AKAP1: variants seen among roughly 807,000 people sequenced by gnomAD.
The protein encoded by AKAP1 is A-kinase anchor protein 1, mitochondrial.
AKAP1 carries 32 observed loss-of-function variants against 79.8 expected under a neutral mutation model. The observed-to-expected ratio is 0.40, with a 90% confidence interval of 0.30 to 0.54. The LOEUF is 0.54. Among genes scored for constraint, AKAP1 ranks in the 20% least tolerant of loss-of-function variants. The probability of loss-of-function intolerance (pLI) is 0.47; values close to 1 mark genes in which losing one functional copy is unlikely to be tolerated. For synonymous variants in AKAP1, 416 were observed against 466.7 expected (o/e 0.89, Z 1.40); for missense variants, 961 against 1,138.9 (o/e 0.84, Z 2.25).
chr17:57,100,767 G>A (rs1220678830), intron 1 of AKAP1, among the ~76,000 whole-genome samples: 1 of 152,108 alleles, frequency 6.6e-6, no homozygotes, highest in African/African-American at 2.4e-5. Flanking sequence ...ATCCATTGCA[G>A]CCTTTCCTCA....
At chr17:57,108,740 AC>A (rs1448081858) in intron 2 of AKAP1, among the ~76,000 whole-genome samples, 1 of 152,130 alleles carries the variant, frequency 6.6e-6, no homozygotes, top group Non-Finnish European at 1.5e-5. Flanking sequence ...ACCAGGGACC[AC>A]CCCACTGAGG....
At chr17:57,101,794 T>C (rs1248153851) in intron 1 of AKAP1, 1 of 152,264 alleles carries the variant, frequency 6.6e-6, no homozygotes, top group East Asian at 1.9e-4. Flanking sequence ...GTTTGCAGGA[T>C]ACAAGATCAG....
intron 1 of AKAP1, chr17:57,095,852 T>C (rs1302712614): frequency 6.6e-6 from 1 of 152,174 alleles, no homozygotes; most frequent in Non-Finnish European, 1.5e-5. Flanking sequence ...GGGAACTCCA[T>C]GTACCCAGGA....
Position 57,106,906 on chromosome 17 carries a change from T to G in AKAP1, c.1442T>G (p.Leu481Arg). The change falls in exon 2 of 11, where the codon CTG becomes CGG. Residue 481 changes from leucine (L) to arginine (R), a missense_variant. By Grantham distance (102) the Leu-to-Arg change is moderately radical. This residue lies in a region of AKAP1 where 629 missense variants were observed against 781.1 expected (regional missense o/e 0.81). Transcript: ENST00000337714. ...SEELPDRAGI[L>R]VEDATCVTCM... Reference sequence around the variant, plus strand: ...GAGTTGCCGGACCGGGCAGGCATCCTGGTGGAAGATGCCACCTGTGTCACC... The same window carrying G: ...GAGTTGCCGGACCGGGCAGGCATCCGGGTGGAAGATGCCACCTGTGTCACC... 6.2e-7 allele frequency: 1 copy of G among 1,613,914 alleles called. No homozygotes were observed. The highest frequency in any genetic ancestry group is 8.5e-7 in the Non-Finnish European group (1 of 1,179,756).
At chr17:57,109,576 G>A (rs1597982589) in intron 2 of AKAP1, among the ~76,000 whole-genome samples, 1 of 152,212 alleles carries the variant, frequency 6.6e-6, no homozygotes, top group African/African-American at 2.4e-5. Context: ...GGGCCCTGGG[G>A]ACAGGAGACT....
rs374122331 is a variant in AKAP1 at position 57,110,126 on chromosome 17, G to A, written c.1816G>A (p.Asp606Asn). 2.4e-5 allele frequency: 39 copies of A among 1,614,052 alleles called. No homozygotes were observed. The highest frequency in any genetic ancestry group is 5.0e-5 in the Admixed American group (3 of 60,018). The change falls in exon 3 of 11, where the codon GAC (aspartate) becomes AAC (asparagine). Residue 606 changes from aspartate (D) to asparagine (N), a missense_variant. By Grantham distance (23) the Asp-to-Asn change is conservative. This residue lies in a region of AKAP1 where 629 missense variants were observed against 781.1 expected (regional missense o/e 0.81). Transcript: ENST00000337714. ...GGCAGGCTCCAACCCTAAGAAGGTCGACCTCATCATCTGGGAGATCGAGGT... is the reference window on the plus strand; with the variant it reads ...GGCAGGCTCCAACCCTAAGAAGGTCAACCTCATCATCTGGGAGATCGAGGT... ...AQAGSNPKKVDLIIWEIEVPK... is the reference protein window; with the variant it reads ...AQAGSNPKKVNLIIWEIEVPK...
intron 10 of AKAP1, among the ~76,000 whole-genome samples, chr17:57,119,830 C>CTTGTTTTTTTTT (rs1915809414): frequency 1.4e-5 from 1 of 70,288 alleles, no homozygotes; most frequent in Non-Finnish European, 2.5e-5. Flanking sequence ...CCCTGTTACT[C>CTTGTTTTTTTTT]TTTTTTTTTT....
rs1198973599 is a variant in AKAP1 at position 57,106,016 on chromosome 17, A to C, written c.552A>C (p.Val184=). The change falls in exon 2 of 11, where the codon GTA becomes GTC. Residue 184 remains valine (V), a synonymous_variant. Coordinates refer to ENST00000337714, the MANE Select transcript of AKAP1 (RefSeq NM_003488.4). ...VPRKVQPGYP[V]VPAEKRSSGE... ...GGAAGGTCCAGCCAGGCTACCCCGTAGTCCCCGCAGAGAAGCGTAGCTCTG... is the reference window on the plus strand; with the variant it reads ...GGAAGGTCCAGCCAGGCTACCCCGTCGTCCCCGCAGAGAAGCGTAGCTCTG... 1.2e-6 allele frequency: 2 copies of C among 1,613,796 alleles called. No individual in the cohort carries two copies. The highest frequency in any genetic ancestry group is 2.2e-5 in the South Asian group (2 of 91,074).
intron 1 of AKAP1, chr17:57,095,517 G>A (rs1914055596): frequency 7.0e-6 from 1 of 141,870 alleles, no homozygotes; most frequent in African/African-American, 2.6e-5. Context: ...CGCCAAGACT[G>A]AAAGTGCCTC....
At position 57,107,026 on chromosome 17, in the gene AKAP1, C is replaced by T. The variant is rs140358364; in HGVS notation, c.1562C>T (p.Thr521Ile). ...FSTSGLEDSC[T>I]ETSSSPRDKA... ...ACTTCAGGGCTTGAAGACTCTTGCA[C>T]AGAGACCAGCTCGAGCCCCAGGGAC... The change falls in exon 2 of 11, where the codon ACA becomes ATA. Residue 521 changes from threonine to isoleucine, a missense_variant. Coordinates refer to ENST00000337714, the MANE Select transcript of AKAP1 (RefSeq NM_003488.4). 2.6e-3 allele frequency: 4,258 copies of T among 1,614,150 alleles called. 6 individuals are homozygous for T. Among genetic ancestry groups the T allele is most frequent in the Non-Finnish European group, 2.9e-3 (3,402 of 1,180,038 alleles).
At chr17:57,087,380 G>A (rs1913525821) in intron 1 of AKAP1, among the ~76,000 whole-genome samples, 1 of 152,192 alleles carries the variant, frequency 6.6e-6, no homozygotes, top group Non-Finnish European at 1.5e-5. Context: ...TGTTGTAAGT[G>A]GCCTGCTCAG....
intron 5 of AKAP1, 108 bp downstream of exon 5, chr17:57,112,726 G>A: frequency 1.4e-6 from 2 of 1,435,910 alleles, no homozygotes; most frequent in East Asian, 4.6e-5. Context: ...GCACATGAGT[G>A]CCTGCGCCCT....
At position 57,106,316 on chromosome 17, in the gene AKAP1, G is replaced by A. The variant is rs745987507; in HGVS notation, c.852G>A (p.Ala284=). Residue 284 remains alanine, a synonymous_variant, in exon 2 of 11, where the codon GCG becomes GCA. Coordinates refer to ENST00000337714, the MANE Select transcript of AKAP1 (RefSeq NM_003488.4). ...ACACAGAGCTGGCAAAGGACGATGC[G>A]GCGCCAGCACCCCCAGTCGCAGACG... ...SAHTELAKDD[A]APAPPVADAK... 7.3e-5 allele frequency: 118 copies of A among 1,614,052 alleles called. No individual in the cohort carries two copies. The highest frequency in any genetic ancestry group is 3.3e-4 in the Middle Eastern group (2 of 6,084).
intron 8 of AKAP1, 71 bp downstream of exon 8, chr17:57,116,998 T>G: frequency 7.0e-7 from 1 of 1,419,812 alleles, no homozygotes; most frequent in South Asian, 1.1e-5. Flanking sequence ...TCTCAGAGCC[T>G]CCGTTCTCAC....
chr17:57,094,824 C>T (rs1280265409), intron 1 of AKAP1: 1 of 152,010 alleles, frequency 6.6e-6, no homozygotes, highest in Non-Finnish European at 1.5e-5. Flanking sequence ...CCACATTGCC[C>T]AGGCTAGTCT....
intron 1 of AKAP1, among the ~76,000 whole-genome samples, chr17:57,103,605 A>G (rs1040084811): frequency 6.6e-6 from 1 of 152,240 alleles, no homozygotes; most frequent in Admixed American, 6.5e-5. Context: ...AGTTGTTAAA[A>G]CATGTGCATT....
Position 57,107,286 on chromosome 17 carries a change from T to C in AKAP1, c.1714+108T>C, listed in dbSNP as rs546592366. On this transcript the variant is annotated intron_variant, in intron 2 of 10. Coordinates refer to ENST00000337714, the MANE Select transcript of AKAP1 (RefSeq NM_003488.4). ...TGCTACTTGTGCAGCAAAGTCATAGTGCTCTTCAGCTCTTTATCGCAACCT... is the reference window on the plus strand; with the variant it reads ...TGCTACTTGTGCAGCAAAGTCATAGCGCTCTTCAGCTCTTTATCGCAACCT... The C allele has an allele frequency of 1.5e-4, 225 of 1,462,368 alleles. No individual in the cohort carries two copies. In the African/African-American group the frequency reaches 2.8e-3, roughly 18 times the overall value. The allele number at this position is 1,462,368 out of a possible 1,614,324, so 90.6% of individuals were successfully genotyped here.
At position 57,116,209 on chromosome 17, in the gene AKAP1, G is replaced by A. The variant is rs772823174; in HGVS notation, c.2380G>A (p.Val794Met). ...EETNEVEIRY[V>M]DYGGYKRVKV... The stretch of plus-strand genomic sequence containing the variant: ...GACCAACGAAGTGGAGATTCGATAC[G>A]TGGACTACGGCGGATATAAGAGGGT... The change falls in exon 7 of 11, where the codon GTG (valine) becomes ATG (methionine). Residue 794 changes from valine to methionine, a missense_variant. Around this residue, in one of 3 missense-constraint regions of AKAP1, gnomAD observed 629 missense variants for 781.1 expected, o/e 0.81. Coordinates refer to ENST00000337714, the MANE Select transcript of AKAP1 (RefSeq NM_003488.4). 9.3e-6 allele frequency: 15 copies of A among 1,614,190 alleles called. No individual in the cohort carries two copies. Among genetic ancestry groups the A allele is most frequent in the Admixed American group, 3.3e-5 (2 of 60,030 alleles).
Position 57,118,435 on chromosome 17 carries a change from A to G in AKAP1, c.2555A>G (p.Asn852Ser). The part of the protein sequence containing the change: ...ADAAMSEMTG[N>S]TALLAQVTSY... ...GCCGCCATGAGCGAGATGACGGGGA[A>G]TACAGCACTGCTTGCTCAGGTGTGT... Residue 852 changes from asparagine (N) to serine (S), a missense_variant, in exon 9 of 11, where the codon AAT becomes AGT. By Grantham distance (46) the Asn-to-Ser change is conservative. This residue lies in a region of AKAP1 where 629 missense variants were observed against 781.1 expected (regional missense o/e 0.81). Transcript: ENST00000337714. 6.2e-7 allele frequency: 1 copy of G among 1,614,020 alleles called. No homozygotes were observed. The highest frequency in any genetic ancestry group is 1.1e-5 in the South Asian group (1 of 91,074).
Sources: gnomAD v4.1 joint callset for allele counts (sites outside exome capture counted in the v4.1 genomes callset) on GRCh38, gnomAD v4.1.1 for gene constraint, gnomAD v4.1.1 regional missense constraint, MANE v1.5 for transcripts, NCBI Gene and HGNC (gene_info 2026-07-23, HGNC 2026-07-21) for gene names.